ATP2B2: variants seen among roughly 807,000 people sequenced by gnomAD.
ATP2B2 encodes ATPase plasma membrane Ca2+ transporting 2.
Under a neutral mutation model 120.0 loss-of-function variants are expected in ATP2B2, and 15 were observed. The ratio of observed to expected loss-of-function variants is 0.12; its 90% CI spans 0.08 to 0.19. The LOEUF (loss-of-function observed/expected upper bound fraction) is 0.19, where lower values mean the gene tolerates loss of function less well. ATP2B2 is among the 10% of genes least tolerant of loss of function. The pLI is 1.00. For missense variants in ATP2B2, 1,045 were observed against 1,719.8 expected (o/e 0.61, Z 6.94); for synonymous variants, 694 against 700.3 (o/e 0.99, Z 0.14).
intron 2 of ATP2B2, among the ~76,000 whole-genome samples, chr3:10,584,235 C>G (rs963822205): frequency 6.6e-6 from 1 of 152,098 alleles, no homozygotes; most frequent in Non-Finnish European, 1.5e-5. Flanking sequence ...GAGGCAGAGG[C>G]CAGCTTGGCA....
At chr3:10,527,538 A>G (rs1575461159) in intron 3 of ATP2B2, among the ~76,000 whole-genome samples, 1 of 152,142 alleles carries the variant, frequency 6.6e-6, no homozygotes, top group East Asian at 1.9e-4. Flanking sequence ...CAATACCTAC[A>G]GAGCTTGCCT....
chr3:10,467,009 C>A lies in ATP2B2; in HGVS notation c.-319-17147G>T, dbSNP rs899161191. ...TCTGCCATTAGCTGCTCCTGCTCCA[C>A]CTTCTTCTCTTTTTGGCCTCAGTTT... On this transcript the variant is annotated intron_variant, in intron 1 of 22. Transcript: ENST00000360273. Among the ~76,000 whole-genome samples, 34 of 152,228 alleles carry A rather than the reference C, an allele frequency of 2.2e-4. 1 individual carries two copies. Among genetic ancestry groups the A allele is most frequent in the Non-Finnish European group, 5.9e-5 (4 of 68,046 alleles).
chr3:10,667,889 A>G (rs1269148650), intron 1 of ATP2B2, among the ~76,000 whole-genome samples: 1 of 152,232 alleles, frequency 6.6e-6, no homozygotes, highest in Admixed American at 6.5e-5. Flanking sequence ...TATGCAAAAT[A>G]AACAACTGAG....
At chr3:10,525,673 G>C (rs1422573144) in intron 3 of ATP2B2, among the ~76,000 whole-genome samples, 1 of 151,722 alleles carries the variant, frequency 6.6e-6, no homozygotes, top group African/African-American at 2.4e-5. Context: ...AATATTATTT[G>C]GAAAAAATAA....
chr3:10,488,531 T>TTCGTTCC (rs2065815792), intron 1 of ATP2B2, among the ~76,000 whole-genome samples: 1 of 107,066 alleles, frequency 9.3e-6, no homozygotes, highest in African/African-American at 3.4e-5. Context: ...TCCTTCCTTC[T>TTCGTTCC]TTCCTTCCTT....
At chr3:10,606,920 G>C (rs1439924108) in intron 2 of ATP2B2, among the ~76,000 whole-genome samples, 19,240 of 60,692 alleles carry the variant, frequency 0.32, 2,112 homozygotes, top group East Asian at 0.48. Context: ...CACAGAGAGA[G>C]AGAGAGAGAG....
chr3:10,341,459 C>T (rs1238642987), intron 19 of ATP2B2, among the ~76,000 whole-genome samples: 2 of 152,102 alleles, frequency 1.3e-5, no homozygotes, highest in East Asian at 3.9e-4. Context: ...TACAGGTGCG[C>T]ACCATCACGC....
rs191422921 is a variant in ATP2B2, at chr3:10,516,498, G to A, written c.-320+17541C>T. Among the ~76,000 whole-genome samples the A allele has an allele frequency of 1.7e-3, 261 of 152,288 alleles. 3 individuals carry two copies. The highest frequency in any genetic ancestry group is 6.1e-3 in the African/African-American group (252 of 41,550). On this transcript the variant is annotated intron_variant, in intron 3 of 21. Coordinates refer to the ATP2B2 transcript ENST00000646379. ...CCCAAACAGCCACTCCCTCTTAGCT[G>A]CCAGCACCTCAGATACCATCCTGTC...
chr3:10,677,828 T>G (rs1295459547), intron 1 of ATP2B2, among the ~76,000 whole-genome samples: 1 of 152,234 alleles, frequency 6.6e-6, no homozygotes, highest in South Asian at 2.1e-4. Context: ...CAAAGCAACA[T>G]TCATGACTAA....
intron 1 of ATP2B2, among the ~76,000 whole-genome samples, chr3:10,652,050 TG>T (rs1312128390): frequency 3.3e-5 from 5 of 152,232 alleles, no homozygotes; most frequent in Non-Finnish European, 4.4e-5. Context: ...TCTTCTGATT[TG>T]GATATGTATG....
At position 10,371,877 on chromosome 3, in the gene ATP2B2, T is replaced by C. The variant is rs1218495158; in HGVS notation, c.1591A>G (p.Asn531Asp). The change falls in exon 12 of 23, where the codon AAC becomes GAC. Residue 531 changes from asparagine (N) to aspartate (D), a missense_variant. Asn to Asp is a conservative substitution (Grantham distance 23). Transcript: ENST00000360273. ...ATCAGCAGCTCCATGGTCTTGGTGT[T>C]GATGGAGCTGGGGTCGGGGATCTCT... Reference protein sequence around the residue: ...YKEIPDPSSINTKTMELLINA... With the variant: ...YKEIPDPSSIDTKTMELLINA... The C allele has an allele frequency of 6.2e-7, 1 of 1,613,994 alleles. No individual in the cohort carries two copies. The highest frequency in any genetic ancestry group is 2.2e-5 in the East Asian group (1 of 44,874).
chr3:10,459,671 G>A (rs1258286224), intron 1 of ATP2B2, among the ~76,000 whole-genome samples: 4 of 152,190 alleles, frequency 2.6e-5, no homozygotes, highest in African/African-American at 9.7e-5. Flanking sequence ...CCGTCCCTGT[G>A]GATTACAAGA....
At chr3:10,393,509 C>A (rs1346958841) in intron 5 of ATP2B2, among the ~76,000 whole-genome samples, 4 of 152,192 alleles carry the variant, frequency 2.6e-5, no homozygotes, top group Non-Finnish European at 2.9e-5. Flanking sequence ...CAGGGGGTCA[C>A]CTCTGCATTC....
chr3:10,328,541 G>A lies in ATP2B2; in HGVS notation c.*273C>T, dbSNP rs1003608107. Reference sequence around the variant, plus strand: ...GCATGGCTGGTCCATGTCTGGGTGGGAGCCAGGAAGGGCTTGTTTTGGGAA... The same window carrying A: ...GCATGGCTGGTCCATGTCTGGGTGGAAGCCAGGAAGGGCTTGTTTTGGGAA... On this transcript the variant is annotated 3_prime_UTR_variant, in exon 23 of 23. Coordinates refer to ENST00000360273, the MANE Select transcript of ATP2B2 (RefSeq NM_001001331.4). 3 of 432,416 alleles carry A rather than the reference G, an allele frequency of 6.9e-6. No homozygotes were observed. Among genetic ancestry groups the A allele is most frequent in the Non-Finnish European group, 1.2e-5 (3 of 240,356 alleles). The allele number at this position is 432,416 out of a possible 1,614,324, so 26.8% of individuals were successfully genotyped here.
chr3:10,460,925 G>C (rs140534840), intron 1 of ATP2B2, among the ~76,000 whole-genome samples: 79 of 152,342 alleles, frequency 5.2e-4, no homozygotes, highest in African/African-American at 1.8e-3. Context: ...CTCACCCACA[G>C]AGGTGCCAGG....
chr3:10,591,993 T>G (rs562022586), intron 2 of ATP2B2, among the ~76,000 whole-genome samples: 1 of 152,146 alleles, frequency 6.6e-6, no homozygotes, highest in African/African-American at 2.4e-5. Flanking sequence ...GAGGCCAAAT[T>G]TGAGCAGGAA....
chr3:10,696,401 C>A (rs539284035), intron 1 of ATP2B2, among the ~76,000 whole-genome samples: 55 of 152,288 alleles, frequency 3.6e-4, no homozygotes, highest in Non-Finnish European at 7.2e-4. Flanking sequence ...TGATTCCTCT[C>A]TCTCTCTCTC....
rs141830676 is a variant in ATP2B2 at position 10,648,580 on chromosome 3, A to G, written c.-459-28619T>C. Among the ~76,000 whole-genome samples, 646 of 152,266 alleles carry G rather than the reference A, an allele frequency of 4.2e-3. 5 individuals are homozygous for G. Among genetic ancestry groups the G allele is most frequent in the African/African-American group, 0.015 (619 of 41,550 alleles). ...TTGATATTTCCACCTGGACAACTCA[A>G]AAGCCACTTATGCTCACTGTGACCC... is the stretch of plus-strand genomic sequence containing the variant. On this transcript the variant is annotated intron_variant, in intron 1 of 21. Transcript: ENST00000646379.
In ATP2B2 at chr3:10,520,753, G is replaced by T. The variant is rs538883058; in HGVS notation, c.-320+13286C>A. Among the ~76,000 whole-genome samples the T allele has an allele frequency of 1.0e-4, 12 of 118,000 alleles. No homozygotes were observed. The East Asian group carries it at 4.0e-3, about 39-fold the overall frequency. The allele number at this position is 118,000 out of a possible 152,430, so 77.4% of individuals were successfully genotyped here. A position where few individuals can be genotyped will look rare whatever the true frequency, so the allele number is the denominator to read the frequency against. On this transcript the variant is annotated intron_variant, in intron 3 of 21. Transcript: ENST00000646379. ...TTACAGGCGTGAGCCACCACACCTG[G>T]CCTCTTTTTTTTTTTTTCTTTTTTT...
Sources: gnomAD v4.1 joint callset for allele counts (sites outside exome capture counted in the v4.1 genomes callset) on GRCh38, gnomAD v4.1.1 for gene constraint, MANE v1.5 for transcripts, NCBI Gene and HGNC (gene_info 2026-07-23, HGNC 2026-07-21) for gene names.